Variants in CIITA observed in about 807,000 individuals in gnomAD.
CIITA encodes the protein class II major histocompatibility complex transactivator.
In CIITA, 72 loss-of-function variants were observed where a neutral mutation model predicts 115.1. The observed-to-expected ratio is 0.63, with a 90% CI of 0.52 to 0.76. The LOEUF is 0.76. Among genes scored for constraint, CIITA ranks in the 30% least tolerant of loss-of-function variants. CIITA has a pLI of 0.00. For missense variants in CIITA, 1,617 were observed against 1,463.8 expected (o/e 1.10, Z -1.71); for synonymous variants, 763 against 635.6 (o/e 1.20, Z -3.02).
chr16:10,869,146 C>T (rs532666392), intron 1 of CIITA, among the ~76,000 whole-genome samples: 8 of 152,348 alleles, frequency 5.3e-5, no homozygotes, highest in African/African-American at 1.7e-4. Flanking sequence ...TGGCCCTCTG[C>T]TGTGCTAAAC....
rs1482833264 is a variant in CIITA, at chr16:10,927,685, T to C, written c.*3830T>C. 1 of 152,194 alleles carries C rather than the reference T, an allele frequency of 6.6e-6. No homozygotes were observed. The highest frequency in any genetic ancestry group is 1.5e-5 in the Non-Finnish European group (1 of 68,036). The allele number at this position is 152,194 out of a possible 1,614,324, so 9.4% of individuals were successfully genotyped here. On this transcript the variant is annotated 3_prime_UTR_variant, in exon 20 of 20. Coordinates refer to ENST00000324288, the MANE Select transcript of CIITA (RefSeq NM_000246.4). ...ACTGGGAGTCCTGGTGTGGAGCCTT[T>C]TAACCCAGAGGGGCATCTTTTCGTA... is the stretch of plus-strand genomic sequence containing the variant.
chr16:10,897,611 T>C (rs1041262241), intron 3 of CIITA, among the ~76,000 whole-genome samples: 2 of 152,252 alleles, frequency 1.3e-5, no homozygotes, highest in Admixed American at 1.3e-4. Flanking sequence ...AGTATTCTTT[T>C]GCAGCATCCT....
chr16:10,906,489 G>T lies in CIITA; in HGVS notation c.1007-10G>T, dbSNP rs1009895562. ...ATACCCCCACCCTGACACGCCCCTGGCCTTTGCAGAGCCGGTGGAGCAGTT... is the reference window on the plus strand; with the variant it reads ...ATACCCCCACCCTGACACGCCCCTGTCCTTTGCAGAGCCGGTGGAGCAGTT... On this transcript the variant is annotated splice_polypyrimidine_tract_variant and intron_variant, in intron 10 of 19. Coordinates refer to ENST00000324288, the MANE Select transcript of CIITA (RefSeq NM_000246.4). 1 of 1,611,442 alleles carries T rather than the reference G, an allele frequency of 6.2e-7. No homozygotes were observed. Among genetic ancestry groups the T allele is most frequent in the African/African-American group, 1.3e-5 (1 of 75,000 alleles).
At position 10,881,919 on chromosome 16, in the gene CIITA, G is replaced by A. The variant is rs577664551; in HGVS notation, c.52+4537G>A. 9.2e-5 allele frequency among the ~76,000 whole-genome samples: 14 copies of A among 152,272 alleles called. No individual in the cohort carries two copies. The South Asian group carries it at 2.1e-3, about 23-fold the overall frequency. On this transcript the variant is annotated intron_variant, in intron 1 of 19. Coordinates refer to ENST00000324288, the MANE Select transcript of CIITA (RefSeq NM_000246.4). Reference sequence around the variant, plus strand: ...AGACACCGCCTATAAATAGAATTACGTGATATTTGTCTTTTTGTGCCTGGC... The same window carrying A: ...AGACACCGCCTATAAATAGAATTACATGATATTTGTCTTTTTGTGCCTGGC...
chr16:10,877,202 A>T lies in CIITA; in HGVS notation c.-129A>T. The T allele has an allele frequency of 1.3e-6, 1 of 776,516 alleles. No homozygotes were observed. The highest frequency in any genetic ancestry group is 2.3e-6 in the Non-Finnish European group (1 of 442,552). 48.1% of individuals were successfully genotyped at this position (776,516 alleles called of 1,614,324 possible). On this transcript the variant is annotated 5_prime_UTR_variant, in exon 1 of 20. Transcript: ENST00000324288. ...GCGGGCTCCCAACTGGTGACTGGTT[A>T]GTGATGAGGCTAGTGATGAGGCTGT...
Position 10,929,748 on chromosome 16 carries a change from A to C in CIITA, c.*5893A>C, listed in dbSNP as rs1348130144. On this transcript the variant is annotated 3_prime_UTR_variant, in exon 20 of 20. Transcript: ENST00000324288. The surrounding 1 kb of genome is among the most constrained non-coding windows in gnomAD (Gnocchi z 4.3). ...AGGCTGAAAATGTCTTTCTGCAAATATAAAACTCTTTTTAATGAATTTGCC... is the reference window on the plus strand; with the variant it reads ...AGGCTGAAAATGTCTTTCTGCAAATCTAAAACTCTTTTTAATGAATTTGCC... 5.8e-6 allele frequency: 1 copy of C among 172,392 alleles called. No individual in the cohort carries two copies. The highest frequency in any genetic ancestry group is 1.9e-4 in the East Asian group (1 of 5,264). 10.7% of individuals were successfully genotyped at this position (172,392 alleles called of 1,614,324 possible). A position where few individuals can be genotyped will look rare whatever the true frequency, so the allele number is the denominator to read the frequency against.
Position 10,901,470 on chromosome 16 carries a change from G to A in CIITA, c.437-44G>A, listed in dbSNP as rs778625872. ...GAGTCCTGAGCCCCTTCTGGCTTGG[G>A]ACATCCTCTCCCTGGGGCAGCTGAT... On this transcript the variant is annotated intron_variant, in intron 5 of 19. Coordinates refer to ENST00000324288, the MANE Select transcript of CIITA (RefSeq NM_000246.4). The surrounding 1 kb of genome is among the most constrained non-coding windows in gnomAD (Gnocchi z 6.8). The A allele has an allele frequency of 6.2e-7, 1 of 1,612,120 alleles. No individual in the cohort carries two copies. Among genetic ancestry groups the A allele is most frequent in the Admixed American group, 1.7e-5 (1 of 60,004 alleles).
At chr16:10,892,742 G>A (rs1282750845) in intron 1 of CIITA, among the ~76,000 whole-genome samples, 2 of 152,182 alleles carry the variant, frequency 1.3e-5, no homozygotes, top group African/African-American at 2.4e-5. Flanking sequence ...AGACCAGCGT[G>A]GCCAACATGG....
intron 1 of CIITA, among the ~76,000 whole-genome samples, chr16:10,880,403 G>A (rs1291264950): frequency 6.6e-6 from 1 of 152,220 alleles, no homozygotes; most frequent in Non-Finnish European, 1.5e-5. Context: ...ACACTGGGAG[G>A]CGCTGATGTG....
In CIITA at chr16:10,879,326, A is replaced by G. The variant is rs1024230075; in HGVS notation, c.52+1944A>G. ...GCGGCAGCTTCTGCAGAGAAGCCGGAGCGCAGACTGGGAGCGCGGAGCAGA... is the reference window on the plus strand; with the variant it reads ...GCGGCAGCTTCTGCAGAGAAGCCGGGGCGCAGACTGGGAGCGCGGAGCAGA... On this transcript the variant is annotated intron_variant, in intron 1 of 19. Coordinates refer to ENST00000324288, the MANE Select transcript of CIITA (RefSeq NM_000246.4). The surrounding 1 kb of genome is among the most constrained non-coding windows in gnomAD (Gnocchi z 4.3). Among the ~76,000 whole-genome samples the G allele has an allele frequency of 6.6e-6, 1 of 152,056 alleles. No homozygotes were observed. Among genetic ancestry groups the G allele is most frequent in the African/African-American group, 2.4e-5 (1 of 41,384 alleles).
At chr16:10,884,176 G>GA (rs2036701887) in intron 1 of CIITA, among the ~76,000 whole-genome samples, 1 of 137,090 alleles carries the variant, frequency 7.3e-6, no homozygotes, top group African/African-American at 2.6e-5. Context: ...CAACTGCTGA[G>GA]AAGCCCTTTG....
At chr16:10,910,100 G>A (rs1226719480) in intron 12 of CIITA, 88 bp from the exon 13 acceptor site, 8 of 1,085,898 alleles carry the variant, frequency 7.4e-6, no homozygotes, top group African/African-American at 6.2e-5. Context: ...GGGGAATTTG[G>A]GGCACTGGGG....
intron 18 of CIITA, chr16:10,922,793 T>G (rs2040345578): frequency 1.9e-6 from 1 of 533,540 alleles, no homozygotes; most frequent in Non-Finnish European, 3.4e-6. Flanking sequence ...ATTGCTGACA[T>G]CCACCCATTT....
chr16:10,908,586 A>G (rs376081863), intron 11 of CIITA: 2 of 415,158 alleles, frequency 4.8e-6, no homozygotes, highest in African/African-American at 2.0e-5. Flanking sequence ...CAGAACTTGA[A>G]TCTGATTGTA....
rs775635355 is a variant in CIITA, at chr16:10,923,337, G to A, written c.*22+12G>A. The stretch of plus-strand genomic sequence containing the variant: ...GTGCTCTGGACAGGGTAACCAGGGT[G>A]GGCTTGGGAGGGGAGAGCCGCAGTG... On this transcript the variant is annotated intron_variant, in intron 19 of 19. Transcript: ENST00000324288. This position sits in a 1 kb window ranked among gnomAD's most constrained non-coding sequence, Gnocchi z 5.2. 2.7e-6 allele frequency: 4 copies of A among 1,498,624 alleles called. No individual in the cohort carries two copies. The highest frequency in any genetic ancestry group is 3.7e-6 in the Non-Finnish European group (4 of 1,076,318). The allele number at this position is 1,498,624 out of a possible 1,614,324, so 92.8% of individuals were successfully genotyped here. A position where few individuals can be genotyped will look rare whatever the true frequency, so the allele number is the denominator to read the frequency against.
chr16:10,913,932 C>A (rs1479900343), intron 13 of CIITA, among the ~76,000 whole-genome samples: 1 of 89,020 alleles, frequency 1.1e-5, no homozygotes, highest in Non-Finnish European at 2.3e-5. Context: ...CAGAGTGAGA[C>A]CCCATCTCAA....
intron 1 of CIITA, among the ~76,000 whole-genome samples, chr16:10,890,086 C>T (rs2037397735): frequency 6.6e-6 from 1 of 152,134 alleles, no homozygotes. Context: ...GCTTAAGGTG[C>T]AGGCTTCAGT....
At chr16:10,882,929 G>C (rs1473200556) in intron 1 of CIITA, among the ~76,000 whole-genome samples, 1 of 152,144 alleles carries the variant, frequency 6.6e-6, no homozygotes, top group African/African-American at 2.4e-5. Context: ...AGATTCCTGG[G>C]CCCGGCTGCA....
At chr16:10,899,446 C>T (rs545375108) in intron 5 of CIITA, among the ~76,000 whole-genome samples, 1 of 152,180 alleles carries the variant, frequency 6.6e-6, no homozygotes, top group Admixed American at 6.5e-5. Context: ...TCTGACCATC[C>T]TTCCATGTAG....
Sources: allele counts gnomAD v4.1 joint callset (sites outside exome capture counted in the v4.1 genomes callset), GRCh38; gene constraint gnomAD v4.1.1; non-coding constraint Gnocchi (gnomAD v3.1); transcripts MANE v1.5; gene names NCBI Gene and HGNC (gene_info 2026-07-23, HGNC 2026-07-21).